NAV3: variants seen among roughly 807,000 people sequenced by gnomAD.
NAV3 encodes the protein pore membrane and/or filament interacting like protein 1.
NAV3 carries 87 observed loss-of-function variants against 244.7 expected under a neutral mutation model. The observed-to-expected ratio is 0.36, with a 90% CI of 0.30 to 0.42. The LOEUF (loss-of-function observed/expected upper bound fraction) is 0.42. Ranked by LOEUF, NAV3 falls within the 20% of genes least tolerant of loss-of-function variation. The pLI is 1.00. For synonymous variants in NAV3, 1,126 were observed against 1,042.2 expected, an observed-to-expected ratio of 1.08 and a Z score of -1.55; for missense variants, 2,663 against 2,893.3, an observed-to-expected ratio of 0.92 and a Z score of 1.83.
intron 1 of NAV3, among the ~76,000 whole-genome samples, chr12:77,880,582 T>C (rs1882501646): frequency 6.8e-6 from 1 of 148,104 alleles, no homozygotes; most frequent in African/African-American, 2.4e-5. Context: ...TGACCAGAGA[T>C]ATTATAATTG....
At chr12:78,043,979 G>T (rs1194200388) in intron 9 of NAV3, among the ~76,000 whole-genome samples, 1 of 152,064 alleles carries the variant, frequency 6.6e-6, no homozygotes, top group Non-Finnish European at 1.5e-5. Context: ...CATTGCTTTT[G>T]GTGTTTTACT....
intron 2 of NAV3, among the ~76,000 whole-genome samples, chr12:77,695,202 G>T (rs1875238502): frequency 6.6e-6 from 1 of 152,024 alleles, no homozygotes; most frequent in African/African-American, 2.4e-5. Context: ...GTGCTTGTGG[G>T]GTATGGCTCA....
At chr12:77,843,960 G>A (rs1185623386) in intron 1 of NAV3, among the ~76,000 whole-genome samples, 10 of 152,134 alleles carry the variant, frequency 6.6e-5, no homozygotes, top group Non-Finnish European at 1.3e-4. Flanking sequence ...AGGAAAGGCC[G>A]ATACATAAAA....
At chr12:78,002,641 C>G (rs938754749) in intron 7 of NAV3, among the ~76,000 whole-genome samples, 1 of 151,936 alleles carries the variant, frequency 6.6e-6, no homozygotes, top group Non-Finnish European at 1.5e-5. Flanking sequence ...AAGAACTGAA[C>G]TGTTTTCTTT....
At chr12:77,937,413 A>T (rs1264538510) in intron 1 of NAV3, among the ~76,000 whole-genome samples, 2 of 152,228 alleles carry the variant, frequency 1.3e-5, no homozygotes, top group African/African-American at 4.8e-5. Flanking sequence ...GAATTTGGAT[A>T]AAGGCTAAGG....
intron 39 of NAV3, among the ~76,000 whole-genome samples, chr12:78,208,339 C>G (rs1960543509): frequency 6.6e-6 from 1 of 152,164 alleles, no homozygotes; most frequent in Non-Finnish European, 1.5e-5. Context: ...TGATTCAACA[C>G]CTCCCACTAC....
At chr12:78,001,716 T>A (rs1873341481) in intron 7 of NAV3, among the ~76,000 whole-genome samples, 1 of 152,234 alleles carries the variant, frequency 6.6e-6, no homozygotes, top group Admixed American at 6.5e-5. Flanking sequence ...CAGCACACAT[T>A]GTAGTAGGTT....
intron 2 of NAV3, among the ~76,000 whole-genome samples, chr12:77,620,408 C>T (rs975161175): frequency 6.6e-6 from 1 of 152,080 alleles, no homozygotes; most frequent in Admixed American, 6.6e-5. Flanking sequence ...CATGTAAAAA[C>T]TCCTTACTTA....
At chr12:78,187,293 C>T (rs912594575) in intron 31 of NAV3, among the ~76,000 whole-genome samples, 8 of 151,794 alleles carry the variant, frequency 5.3e-5, no homozygotes, top group African/African-American at 1.9e-4. Context: ...GGTCACATTT[C>T]TTAATTAGGT....
intron 2 of NAV3, among the ~76,000 whole-genome samples, chr12:77,824,894 A>AAACAACAACAAC (rs149054152): frequency 6.6e-6 from 1 of 150,484 alleles, no homozygotes; most frequent in African/African-American, 2.5e-5. Flanking sequence ...TCCGTCTCAA[A>AAACAACAACAAC]AACAACAACA....
chr12:78,015,099 T>TA (rs1360321738), intron 8 of NAV3, among the ~76,000 whole-genome samples: 1 of 152,140 alleles, frequency 6.6e-6, no homozygotes, highest in Non-Finnish European at 1.5e-5. Context: ...CTACCTTTTC[T>TA]GTGCTTGATT....
At chr12:77,854,587 A>ATGTGTGTG (rs111504963) in intron 1 of NAV3, among the ~76,000 whole-genome samples, 5 of 128,384 alleles carry the variant, frequency 3.9e-5, no homozygotes, top group African/African-American at 1.3e-4. Context: ...GTATGTGTGT[A>ATGTGTGTG]TGTGTGTGTG....
At chr12:78,179,454 C>T (rs1958406438) in intron 28 of NAV3, 75 bp from the exon 29 acceptor site, 2 of 1,562,670 alleles carry the variant, frequency 1.3e-6, no homozygotes, top group African/African-American at 1.4e-5. Flanking sequence ...TGCAGTGCAG[C>T]CTTTAAAAGA....
At chr12:77,602,192 G>A (rs752880025) in intron 2 of NAV3, among the ~76,000 whole-genome samples, 24 of 151,946 alleles carry the variant, frequency 1.6e-4, no homozygotes, top group Admixed American at 1.5e-3. Context: ...CTAGGAGTAG[G>A]ACAGTCTGGG....
At chr12:77,968,412 T>C (rs1892697266) in intron 4 of NAV3, 107 bp from the exon 5 acceptor site, 4 of 861,834 alleles carry the variant, frequency 4.6e-6, no homozygotes, top group Admixed American at 2.2e-5. Context: ...AGAATTAAGT[T>C]GTATCTCTGT....
intron 20 of NAV3, among the ~76,000 whole-genome samples, chr12:78,146,054 A>G (rs140817008): frequency 6.6e-6 from 1 of 152,230 alleles, no homozygotes; most frequent in Admixed American, 6.5e-5. Flanking sequence ...GTATAATTTT[A>G]TAACTATTTG....
rs1454782577 is a variant in NAV3, at chr12:77,831,187, G to GAC, written c.-274_-273insCA. 2.3e-5 allele frequency: 3 copies of GAC among 130,614 alleles called. No homozygotes were observed. The highest frequency in any genetic ancestry group is 1.5e-4 in the South Asian group (1 of 6,790). The allele number at this position is 130,614 out of a possible 1,614,324, so 8.1% of individuals were successfully genotyped here. ...AGAGAGACAGAGAGAGAGAGAGAGAGAGAGAGACAGAGAGAGAGAGAGAGA... is the reference window on the plus strand; with the variant it reads ...AGAGAGACAGAGAGAGAGAGAGAGAGACAGAGAGACAGAGAGAGAGAGAGAGA... On this transcript the variant is annotated 5_prime_UTR_variant, in exon 1 of 40. Coordinates refer to ENST00000397909, the MANE Select transcript of NAV3 (RefSeq NM_001024383.2).
intron 9 of NAV3, among the ~76,000 whole-genome samples, chr12:78,049,189 T>A (rs1408282298): frequency 6.6e-6 from 1 of 152,142 alleles, no homozygotes; most frequent in Non-Finnish European, 1.5e-5. Context: ...CTAGACCACT[T>A]AGCTCCCTGG....
intron 30 of NAV3, among the ~76,000 whole-genome samples, chr12:78,181,485 C>T (rs1159481840): frequency 2.0e-5 from 3 of 152,024 alleles, no homozygotes; most frequent in Non-Finnish European, 4.4e-5. Context: ...ATGCTACTGT[C>T]ACCCAGTCTG....
Sources: allele counts gnomAD v4.1 joint callset (sites outside exome capture counted in the v4.1 genomes callset), GRCh38; gene constraint gnomAD v4.1.1; transcripts MANE v1.5; gene names NCBI Gene and HGNC (gene_info 2026-07-23, HGNC 2026-07-21).